Variants in WWOX observed in about 807,000 individuals in gnomAD.
The protein encoded by WWOX is WW domain containing oxidoreductase.
Under a neutral mutation model 46.2 loss-of-function variants are expected in WWOX, and 69 were observed. The observed-to-expected ratio is 1.49, with a 90% confidence interval of 1.23 to 1.82. The LOEUF is 1.82. Among genes scored for constraint, WWOX ranks in the 40% most tolerant of loss-of-function variants. WWOX has a pLI of 0.00. For missense variants in WWOX, 919 were observed against 542.6 expected (o/e 1.69, Z -6.89); for synonymous variants, 359 against 202.6 (o/e 1.77, Z -6.56).
chr16:78,186,092 G>C (rs891677990), intron 5 of WWOX, among the ~76,000 whole-genome samples: 3 of 152,038 alleles, frequency 2.0e-5, no homozygotes, highest in African/African-American at 7.2e-5. Context: ...ATGAGCTGTT[G>C]ATATAAAATA....
chr16:79,022,352 A>AAAG lies in WWOX; in HGVS notation c.1057-189254_1057-189253insGAA, dbSNP rs1017453758. Among the ~76,000 whole-genome samples, 17 of 151,578 alleles carry AAAG rather than the reference A, an allele frequency of 1.1e-4. 1 individual carries two copies. The highest frequency in any genetic ancestry group is 3.9e-4 in the African/African-American group (16 of 41,274). On this transcript the variant is annotated intron_variant, in intron 8 of 8. Coordinates refer to ENST00000566780, the MANE Select transcript of WWOX (RefSeq NM_016373.4). ...TCTCCAGCAATCTGTGGCAAAAAAA[A>AAAG]AAAAAAAAAAAAAAGTCCCGCTTGT...
intron 8 of WWOX, among the ~76,000 whole-genome samples, chr16:78,820,092 C>T (rs539438833): frequency 7.9e-5 from 12 of 152,156 alleles, no homozygotes; most frequent in Middle Eastern, 3.4e-3. Context: ...CTTTGATAAC[C>T]GTGAGCACCT....
chr16:78,103,795 G>T (rs1338498047), intron 1 of WWOX, among the ~76,000 whole-genome samples: 61 of 152,166 alleles, frequency 4.0e-4, no homozygotes, highest in Admixed American at 4.0e-3. Context: ...CATGGCCAGG[G>T]ATAGAGGCTG....
In WWOX at chr16:78,381,878, T is replaced by A. The variant is rs191789467; in HGVS notation, c.517-4982T>A. Among the ~76,000 whole-genome samples, 9 of 152,216 alleles carry A rather than the reference T, an allele frequency of 5.9e-5. No individual in the cohort carries two copies. The East Asian group carries it at 9.7e-4, about 16-fold the overall frequency. On this transcript the variant is annotated intron_variant, in intron 5 of 8. Transcript: ENST00000566780. ...GGTGGTGGGATTTTTTTCTTTTCCTTTTTTACTCAGACAGTCTTGTTCTGT... is the reference window on the plus strand; with the variant it reads ...GGTGGTGGGATTTTTTTCTTTTCCTATTTTACTCAGACAGTCTTGTTCTGT...
intron 8 of WWOX, among the ~76,000 whole-genome samples, chr16:78,921,446 A>G (rs1320743797): frequency 6.6e-6 from 1 of 152,230 alleles, no homozygotes; most frequent in Non-Finnish European, 1.5e-5. Context: ...GAGCTGCAAA[A>G]TCATAGTAAC....
intron 8 of WWOX, among the ~76,000 whole-genome samples, chr16:79,172,521 C>G (rs1216439733): frequency 2.0e-5 from 3 of 152,098 alleles, no homozygotes; most frequent in Non-Finnish European, 4.4e-5. Context: ...GTTTGCTCCT[C>G]CTCACTGAGT....
chr16:79,198,692 G>A (rs756863030), intron 8 of WWOX, among the ~76,000 whole-genome samples: 1 of 152,230 alleles, frequency 6.6e-6, no homozygotes, highest in Non-Finnish European at 1.5e-5. Flanking sequence ...CGTAGTAGCT[G>A]TGTGACCTGG....
chr16:78,480,175 C>T (rs984056913), intron 8 of WWOX, among the ~76,000 whole-genome samples: 1 of 152,196 alleles, frequency 6.6e-6, no homozygotes, highest in Admixed American at 6.5e-5. Context: ...AGTTCAATTG[C>T]TCTGAAATAG....
At chr16:78,963,758 G>A (rs575605996) in intron 8 of WWOX, among the ~76,000 whole-genome samples, 1 of 152,158 alleles carries the variant, frequency 6.6e-6, no homozygotes, top group South Asian at 2.1e-4. Flanking sequence ...CAGAAAGTGG[G>A]CCTTAAAGGT....
intron 8 of WWOX, among the ~76,000 whole-genome samples, chr16:78,637,793 G>A (rs1044596043): frequency 2.6e-5 from 4 of 152,112 alleles, no homozygotes; most frequent in African/African-American, 9.7e-5. Flanking sequence ...GGGACCTAGG[G>A]CCTGGGTAAC....
chr16:78,603,251 A>G (rs561641698), intron 8 of WWOX, among the ~76,000 whole-genome samples: 100 of 152,294 alleles, frequency 6.6e-4, no homozygotes, highest in Admixed American at 3.9e-3. Flanking sequence ...GGATGCTCAT[A>G]GTTTAAGTCA....
intron 5 of WWOX, among the ~76,000 whole-genome samples, chr16:78,191,243 A>G (rs1230194263): frequency 6.6e-6 from 1 of 152,124 alleles, no homozygotes; most frequent in East Asian, 1.9e-4. Flanking sequence ...CTTGGGGCCC[A>G]CAGCTCCTCC....
intron 8 of WWOX, among the ~76,000 whole-genome samples, chr16:78,774,355 C>G (rs980317199): frequency 1.6e-4 from 24 of 152,198 alleles, no homozygotes; most frequent in African/African-American, 5.5e-4. Flanking sequence ...GAGCCGAGAT[C>G]GCGCCACTGC....
intron 5 of WWOX, among the ~76,000 whole-genome samples, chr16:78,312,838 G>A (rs1456149032): frequency 1.3e-5 from 2 of 152,208 alleles, no homozygotes; most frequent in African/African-American, 4.8e-5. Context: ...CCTAGGCTCT[G>A]CCCTAAGTGG....
intron 5 of WWOX, among the ~76,000 whole-genome samples, chr16:78,318,865 C>T (rs1219385278): frequency 6.6e-6 from 1 of 152,144 alleles, no homozygotes; most frequent in Non-Finnish European, 1.5e-5. Flanking sequence ...GGAAACATGC[C>T]TGGGTACAAT....
At chr16:79,132,042 C>T (rs927502309) in intron 8 of WWOX, among the ~76,000 whole-genome samples, 2 of 152,004 alleles carry the variant, frequency 1.3e-5, no homozygotes, top group African/African-American at 4.8e-5. Context: ...TTCCATAACA[C>T]ATGGGAATTA....
At chr16:78,641,073 C>A (rs1014491955) in intron 8 of WWOX, among the ~76,000 whole-genome samples, 2 of 152,240 alleles carry the variant, frequency 1.3e-5, no homozygotes, top group South Asian at 2.1e-4. Flanking sequence ...CTGAAACACT[C>A]CTCAAAGCTG....
chr16:78,316,430 C>A (rs1393935761), intron 5 of WWOX, among the ~76,000 whole-genome samples: 1 of 152,032 alleles, frequency 6.6e-6, no homozygotes, highest in African/African-American at 2.4e-5. Flanking sequence ...AACCTCCGAC[C>A]CCCCTGGGTT....
intron 8 of WWOX, among the ~76,000 whole-genome samples, chr16:78,613,649 T>C (rs978457031): frequency 5.9e-5 from 9 of 152,170 alleles, no homozygotes; most frequent in African/African-American, 1.7e-4. Flanking sequence ...TAAGTATTGC[T>C]AGAGATGGCT....
Sources: allele counts gnomAD v4.1 joint callset (sites outside exome capture counted in the v4.1 genomes callset), GRCh38; gene constraint gnomAD v4.1.1; transcripts MANE v1.5; gene names NCBI Gene and HGNC (gene_info 2026-07-23, HGNC 2026-07-21).